MED27: variants seen among roughly 807,000 people sequenced by gnomAD.
The protein encoded by MED27 is mediator complex subunit 27.
A neutral mutation model predicts 38.2 loss-of-function variants in MED27; 30 were observed. That is an observed-to-expected ratio of 0.79 (90% CI 0.59 to 1.07). MED27 has a LOEUF of 1.07. MED27 is among the 50% of genes least tolerant of loss of function. The pLI is 0.00. For missense variants in MED27, 289 were observed against 397.5 expected, an observed-to-expected ratio of 0.73 and a Z score of 2.32; for synonymous variants, 122 against 153.5, an observed-to-expected ratio of 0.79 and a Z score of 1.52.
At chr9:131,894,375 C>T (rs908987291) in intron 4 of MED27, among the ~76,000 whole-genome samples, 9 of 152,052 alleles carry the variant, frequency 5.9e-5, no homozygotes, top group Non-Finnish European at 1.0e-4. Context: ...CACGTTGTTT[C>T]GTGCTCATGG....
chr9:132,056,006 G>A (rs1400171069), intron 2 of MED27, among the ~76,000 whole-genome samples: 3 of 152,152 alleles, frequency 2.0e-5, no homozygotes, highest in African/African-American at 7.2e-5. Context: ...GGAAGGCAGT[G>A]GTAAAAGCAG....
Position 131,861,302 on chromosome 9 carries a change from A to G in MED27, c.802-630T>C, listed in dbSNP as rs1838647756. 6.6e-6 allele frequency among the ~76,000 whole-genome samples: 1 copy of G among 152,160 alleles called. No homozygotes were observed. The highest frequency in any genetic ancestry group is 1.5e-5 in the Non-Finnish European group (1 of 68,028). The stretch of plus-strand genomic sequence containing the variant: ...TTCTTGGGCGTCATACATAAGGATG[A>G]GCCTCCCGTAACTCAATTCTCAAAC... On this transcript the variant is annotated intron_variant, in intron 7 of 7. Coordinates refer to ENST00000292035, the MANE Select transcript of MED27 (RefSeq NM_004269.4). This position sits in a 1 kb window ranked among gnomAD's most constrained non-coding sequence, Gnocchi z 4.4.
intron 3 of MED27, among the ~76,000 whole-genome samples, chr9:131,967,818 ATTTT>A (rs144420414): frequency 1.8e-5 from 2 of 112,876 alleles, no homozygotes; most frequent in African/African-American, 3.5e-5. Flanking sequence ...GCCTCTCATG[ATTTT>A]TTTTTTTTTT....
chr9:131,968,063 G>A (rs532765862), intron 3 of MED27, among the ~76,000 whole-genome samples: 20 of 151,030 alleles, frequency 1.3e-4, no homozygotes, highest in Admixed American at 7.9e-4. Context: ...CTCATGATCC[G>A]CTCGCTTTGG....
At chr9:132,014,190 C>T (rs915329623) in intron 3 of MED27, 147 bp downstream of exon 3, 3 of 861,432 alleles carry the variant, frequency 3.5e-6, no homozygotes, top group Admixed American at 2.9e-5. Flanking sequence ...GCATTCCAGC[C>T]AGGGTGAAAA....
At position 132,009,823 on chromosome 9, in the gene MED27, G is replaced by A. The variant is rs932483759; in HGVS notation, c.479+4514C>T. On this transcript the variant is annotated intron_variant, in intron 3 of 7. Transcript: ENST00000292035. Reference sequence around the variant, plus strand: ...TAACATAGCAACCTTGGAGGATTTCGGTGTTTTATAAGGGGGTTGAAAGGA... The same window carrying A: ...TAACATAGCAACCTTGGAGGATTTCAGTGTTTTATAAGGGGGTTGAAAGGA... Among the ~76,000 whole-genome samples the A allele has an allele frequency of 2.6e-5, 4 of 152,206 alleles. No individual in the cohort carries two copies. In the East Asian group the frequency reaches 5.8e-4, roughly 22 times the overall value.
At position 131,928,563 on chromosome 9, in the gene MED27, A is replaced by T. The variant is rs191963924; in HGVS notation, c.573+10818T>A. Among the ~76,000 whole-genome samples, 110 of 152,234 alleles carry T rather than the reference A, an allele frequency of 7.2e-4. 1 individual carries two copies. Among genetic ancestry groups the T allele is most frequent in the African/African-American group, 2.6e-3 (107 of 41,540 alleles). On this transcript the variant is annotated intron_variant, in intron 4 of 7. Coordinates refer to ENST00000292035, the MANE Select transcript of MED27 (RefSeq NM_004269.4). Reference sequence around the variant, plus strand: ...GGATCTGCACACTTGGGTGAGGGAGAGCACAGCGACTGGGGGACTTGCCAT... The same window carrying T: ...GGATCTGCACACTTGGGTGAGGGAGTGCACAGCGACTGGGGGACTTGCCAT...
intron 2 of MED27, among the ~76,000 whole-genome samples, chr9:132,045,494 A>C (rs1833316467): frequency 1.3e-5 from 2 of 151,900 alleles, no homozygotes. Flanking sequence ...GGTTCTAAGA[A>C]ACTATTTGCC....
chr9:132,004,643 C>T (rs1832317009), intron 3 of MED27, among the ~76,000 whole-genome samples: 1 of 152,188 alleles, frequency 6.6e-6, no homozygotes, highest in Non-Finnish European at 1.5e-5. Flanking sequence ...GTTGCCACTG[C>T]CACTGGGGAC....
At chr9:131,962,760 C>T (rs1363179092) in intron 3 of MED27, among the ~76,000 whole-genome samples, 1 of 152,164 alleles carries the variant, frequency 6.6e-6, no homozygotes, top group African/African-American at 2.4e-5. Flanking sequence ...CTATTTTATG[C>T]TCAATTAGTA....
intron 2 of MED27, among the ~76,000 whole-genome samples, chr9:132,032,825 C>A (rs1832991906): frequency 2.0e-5 from 3 of 152,298 alleles, no homozygotes; most frequent in Admixed American, 2.0e-4. Flanking sequence ...GCCCAAGCCA[C>A]TCTTCTCATG....
At chr9:131,998,607 T>C (rs1466383498) in intron 3 of MED27, among the ~76,000 whole-genome samples, 1 of 152,220 alleles carries the variant, frequency 6.6e-6, no homozygotes, top group Non-Finnish European at 1.5e-5. Flanking sequence ...AAATGCCTAC[T>C]CAATAAACTG....
At chr9:131,900,450 A>G (rs760195206) in intron 4 of MED27, among the ~76,000 whole-genome samples, 2 of 152,204 alleles carry the variant, frequency 1.3e-5, no homozygotes, top group Non-Finnish European at 2.9e-5. Context: ...AAACCTAACA[A>G]ATCTGGTGGT....
intron 2 of MED27, among the ~76,000 whole-genome samples, chr9:132,052,775 C>A (rs1833492090): frequency 6.6e-6 from 1 of 151,866 alleles, no homozygotes; most frequent in Middle Eastern, 3.4e-3. Context: ...AGTACTTGAC[C>A]TTCCATTTCT....
rs939265104 is a variant in MED27, at chr9:131,862,584, G to A, written c.801+479C>T. On this transcript the variant is annotated intron_variant, in intron 7 of 7. Coordinates refer to ENST00000292035, the MANE Select transcript of MED27 (RefSeq NM_004269.4). The surrounding 1 kb of genome is among the most constrained non-coding windows in gnomAD (Gnocchi z 4.6). ...CTAGTAGTGGTTGAAGAACCAGCTC[G>A]CAAGATACTGAACAGGCACTGGCAG... 6.6e-6 allele frequency among the ~76,000 whole-genome samples: 1 copy of A among 152,152 alleles called. No individual in the cohort carries two copies. The highest frequency in any genetic ancestry group is 1.5e-5 in the Non-Finnish European group (1 of 68,034).
At chr9:132,052,606 C>G (rs1250380768) in intron 2 of MED27, among the ~76,000 whole-genome samples, 1 of 152,146 alleles carries the variant, frequency 6.6e-6, no homozygotes, top group Non-Finnish European at 1.5e-5. Flanking sequence ...TTCAGCGTAA[C>G]CATCACCTGA....
intron 3 of MED27, among the ~76,000 whole-genome samples, chr9:131,975,207 A>G (rs1431932206): frequency 1.3e-5 from 2 of 152,246 alleles, no homozygotes; most frequent in Non-Finnish European, 2.9e-5. Context: ...AAAGGAATGT[A>G]TCTCCAATTT....
At chr9:131,979,399 G>A (rs1343296735) in intron 3 of MED27, among the ~76,000 whole-genome samples, 1 of 150,434 alleles carries the variant, frequency 6.6e-6, no homozygotes, top group East Asian at 2.0e-4. Flanking sequence ...TCTGTATTAG[G>A]AGCATATGAT....
At chr9:131,895,180 C>T (rs567385940) in intron 4 of MED27, among the ~76,000 whole-genome samples, 2 of 152,260 alleles carry the variant, frequency 1.3e-5, no homozygotes, top group African/African-American at 4.8e-5. Flanking sequence ...AAACAATATA[C>T]GGATGAAGAC....
Sources: allele counts gnomAD v4.1 joint callset (sites outside exome capture counted in the v4.1 genomes callset), GRCh38; gene constraint gnomAD v4.1.1; non-coding constraint Gnocchi (gnomAD v3.1); transcripts MANE v1.5; gene names NCBI Gene and HGNC (gene_info 2026-07-23, HGNC 2026-07-21).